The following STK32B variants were observed in gnomAD, a reference collection of about 807,000 sequenced individuals.
STK32B encodes serine/threonine kinase 32B, also known as serine/threonine-protein kinase 32B.
Under a neutral mutation model 52.6 loss-of-function variants are expected in STK32B, and 43 were observed. The observed-to-expected ratio is 0.82, with a 90% CI of 0.64 to 1.05. The LOEUF is 1.05. STK32B is among the 50% of genes least tolerant of loss of function. STK32B has a pLI of 0.00. For missense variants in STK32B, 621 were observed against 534.6 expected, an observed-to-expected ratio of 1.16 and a Z score of -1.59; for synonymous variants, 238 against 204.3, an observed-to-expected ratio of 1.17 and a Z score of -1.41.
intron 2 of STK32B, among the ~76,000 whole-genome samples, chr4:5,149,695 C>T (rs901507383): frequency 1.3e-5 from 2 of 151,550 alleles, no homozygotes; most frequent in South Asian, 2.1e-4. Flanking sequence ...ATCTCTAATA[C>T]AATGTTATAG....
Position 5,460,361 on chromosome 4 carries a change from T to A in STK32B, c.909+133T>A. On this transcript the variant is annotated intron_variant, in intron 9 of 11. Transcript: ENST00000282908. The surrounding 1 kb of genome is among the most constrained non-coding windows in gnomAD (Gnocchi z 4.8). The stretch of plus-strand genomic sequence containing the variant: ...CACCTGAGCACCAAGGGCTTATGTC[T>A]TGCTGGAATTCAGGGTGAACTTGGG... 2.2e-6 allele frequency: 3 copies of A among 1,384,376 alleles called. No homozygotes were observed. The highest frequency in any genetic ancestry group is 2.9e-6 in the Non-Finnish European group (3 of 1,029,006). The allele number at this position is 1,384,376 out of a possible 1,614,324, so 85.8% of individuals were successfully genotyped here.
At chr4:5,311,726 C>T (rs781749199) in intron 3 of STK32B, among the ~76,000 whole-genome samples, 1 of 151,882 alleles carries the variant, frequency 6.6e-6, no homozygotes, top group Non-Finnish European at 1.5e-5. Flanking sequence ...TACCAAAATT[C>T]AACTAAGGAA....
intron 11 of STK32B, among the ~76,000 whole-genome samples, chr4:5,482,836 TGAGATA>T (rs1380172363): frequency 1.3e-5 from 2 of 152,214 alleles, no homozygotes; most frequent in African/African-American, 4.8e-5. Flanking sequence ...CTGCATCTAT[TGAGATA>T]ATCATGTGGT....
rs1472125951 is a variant in STK32B, at chr4:5,399,047, A to T, written c.472+803A>T. ...CCTGTGTTGGGATGGAATGCCCACAAAGTTTAAGAACCATGAGCCTAGGGC... is the reference window on the plus strand; with the variant it reads ...CCTGTGTTGGGATGGAATGCCCACATAGTTTAAGAACCATGAGCCTAGGGC... On this transcript the variant is annotated intron_variant, in intron 5 of 11. Coordinates refer to ENST00000282908, the MANE Select transcript of STK32B (RefSeq NM_018401.3). The surrounding 1 kb of genome is among the most constrained non-coding windows in gnomAD (Gnocchi z 5.4). Among the ~76,000 whole-genome samples, 1 of 151,204 alleles carries T rather than the reference A, an allele frequency of 6.6e-6. No homozygotes were observed. The highest frequency in any genetic ancestry group is 1.5e-5 in the Non-Finnish European group (1 of 67,296).
rs1716905687 is a variant in STK32B at position 5,460,028 on chromosome 4, A to AC, written c.784-70dup. Reference sequence around the variant, plus strand: ...GCAGAGGCACATTAATTGCCCTGAGACCCCCTCCTTCAGAGTCCCCGCTAA... The same window carrying AC: ...GCAGAGGCACATTAATTGCCCTGAGACCCCCCTCCTTCAGAGTCCCCGCTAA... On this transcript the variant is annotated intron_variant, in intron 8 of 11. Coordinates refer to ENST00000282908, the MANE Select transcript of STK32B (RefSeq NM_018401.3). This position sits in a 1 kb window ranked among gnomAD's most constrained non-coding sequence, Gnocchi z 4.8. 2 of 1,608,282 alleles carry AC rather than the reference A, an allele frequency of 1.2e-6. No homozygotes were observed. Among genetic ancestry groups the AC allele is most frequent in the African/African-American group, 1.3e-5 (1 of 74,790 alleles).
At chr4:5,178,827 C>T (rs1371194251) in intron 3 of STK32B, among the ~76,000 whole-genome samples, 1 of 152,198 alleles carries the variant, frequency 6.6e-6, no homozygotes, top group Non-Finnish European at 1.5e-5. Flanking sequence ...ATATCACTAT[C>T]AGCATTTTGG....
At chr4:5,246,899 G>C (rs1725494555) in intron 3 of STK32B, among the ~76,000 whole-genome samples, 2 of 152,214 alleles carry the variant, frequency 1.3e-5, no homozygotes, top group African/African-American at 2.4e-5. Context: ...ATATTGGTGA[G>C]CCGCAAATGC....
chr4:5,182,639 A>G (rs971454265), intron 3 of STK32B, among the ~76,000 whole-genome samples: 7 of 151,980 alleles, frequency 4.6e-5, no homozygotes, highest in Non-Finnish European at 1.0e-4. Flanking sequence ...TTGTATTTTT[A>G]GTAGAGATGG....
chr4:5,123,501 C>T (rs1385347757), intron 1 of STK32B, among the ~76,000 whole-genome samples: 2 of 152,112 alleles, frequency 1.3e-5, no homozygotes, highest in Non-Finnish European at 2.9e-5. Context: ...GCCTGGGGGG[C>T]TTCAACAACA....
At chr4:5,415,581 G>T (rs1712092503) in intron 5 of STK32B, among the ~76,000 whole-genome samples, 1 of 152,206 alleles carries the variant, frequency 6.6e-6, no homozygotes, top group South Asian at 2.1e-4. Context: ...TAGGAATACT[G>T]TGCATCCCAG....
intron 6 of STK32B, among the ~76,000 whole-genome samples, chr4:5,438,360 GCTTAATGAA>G (rs1461878610): frequency 6.6e-6 from 1 of 152,210 alleles, no homozygotes; most frequent in Non-Finnish European, 1.5e-5. Context: ...CTCATCCGAT[GCTTAATGAA>G]CAAGTGTGAT....
chr4:5,256,000 C>A (rs1726268456), intron 3 of STK32B, among the ~76,000 whole-genome samples: 1 of 152,120 alleles, frequency 6.6e-6, no homozygotes, highest in East Asian at 1.9e-4. Context: ...CTGACACATG[C>A]CCCAAAGTGC....
chr4:5,180,386 C>A (rs1720262945), intron 3 of STK32B, among the ~76,000 whole-genome samples: 1 of 152,156 alleles, frequency 6.6e-6, no homozygotes, highest in Non-Finnish European at 1.5e-5. Flanking sequence ...CTTATCCTAC[C>A]ATTTTTGGTC....
chr4:5,080,982 A>C lies in STK32B; in HGVS notation c.52+29067A>C, dbSNP rs150666003. Among the ~76,000 whole-genome samples the C allele has an allele frequency of 1.6e-3, 242 of 152,250 alleles. 1 individual carries two copies. The highest frequency in any genetic ancestry group is 5.5e-3 in the African/African-American group (228 of 41,542). On this transcript the variant is annotated intron_variant, in intron 1 of 11. Transcript: ENST00000282908. ...CCAGCCCCCAACCCGTCTTGACTAC[A>C]ATCCTACTGTCTGTTTTTGTGAGTT...
upstream of STK32B, among the ~76,000 whole-genome samples, chr4:5,048,874 C>A (rs896354619): frequency 6.6e-6 from 1 of 152,198 alleles, no homozygotes; most frequent in African/African-American, 2.4e-5. Flanking sequence ...CCATGCAGAG[C>A]GCTTGAAGTA....
chr4:5,425,633 T>C (rs1035151519), intron 6 of STK32B, among the ~76,000 whole-genome samples: 4 of 152,212 alleles, frequency 2.6e-5, no homozygotes, highest in Non-Finnish European at 2.9e-5. Flanking sequence ...CTGATAAATA[T>C]GGAGTTTGAG....
chr4:5,254,101 A>G (rs994574196), intron 3 of STK32B, among the ~76,000 whole-genome samples: 3 of 152,182 alleles, frequency 2.0e-5, no homozygotes, highest in Non-Finnish European at 2.9e-5. Flanking sequence ...TTTTTTGTAG[A>G]TAAAGGACTA....
At chr4:5,100,961 C>T (rs1713752011) in intron 1 of STK32B, among the ~76,000 whole-genome samples, 1 of 151,892 alleles carries the variant, frequency 6.6e-6, no homozygotes. Flanking sequence ...TGCAGTGGCA[C>T]AATCATAGCT....
At chr4:5,257,505 A>G (rs565122713) in intron 3 of STK32B, among the ~76,000 whole-genome samples, 4 of 152,348 alleles carry the variant, frequency 2.6e-5, no homozygotes, top group Non-Finnish European at 5.9e-5. Context: ...CTCACCAGCC[A>G]CCATCATCAG....
Sources: allele counts gnomAD v4.1 joint callset (sites outside exome capture counted in the v4.1 genomes callset), GRCh38; gene constraint gnomAD v4.1.1; non-coding constraint Gnocchi (gnomAD v3.1); transcripts MANE v1.5; gene names NCBI Gene and HGNC (gene_info 2026-07-23, HGNC 2026-07-21).